Variants in CASK observed in about 807,000 individuals in gnomAD.
CASK encodes peripheral plasma membrane protein CASK.
In CASK, 4 loss-of-function variants were observed where a neutral mutation model predicts 82.9. The observed-to-expected ratio is 0.05, with a 90% CI of 0.02 to 0.11. The LOEUF (loss-of-function observed/expected upper bound fraction) is 0.11. Among genes scored for constraint, CASK ranks in the 10% least tolerant of loss-of-function variants. CASK has a pLI of 1.00. For missense variants in CASK, 358 were observed against 720.9 expected (o/e 0.50, Z 5.76); for synonymous variants, 259 against 253.5 (o/e 1.02, Z -0.20).
chrX:41,559,986 A>G, intron 17 of CASK, 139 bp from the exon 18 acceptor site: 1 of 523,600 alleles, frequency 1.9e-6, no homozygotes, highest in Non-Finnish European at 3.3e-6. Context: ...AATGAAATGT[A>G]GTCATGAAGC....
At chrX:41,671,992 T>C (rs1047226114) in intron 5 of CASK, among the ~76,000 whole-genome samples, 5 of 111,791 alleles carry the variant, frequency 4.5e-5, no homozygotes, top group African/African-American at 1.6e-4. Flanking sequence ...CCTTTCTTTC[T>C]CCACCCTGCC....
At chrX:41,578,833 G>T (rs1053393335) in intron 14 of CASK, among the ~76,000 whole-genome samples, 1 of 111,729 alleles carries the variant, frequency 9.0e-6, no homozygotes, top group African/African-American at 3.3e-5. Flanking sequence ...CCTCTCAAAG[G>T]TATCATTCAT....
chrX:41,858,302 T>C (rs2071410487), intron 1 of CASK, among the ~76,000 whole-genome samples: 2 of 112,181 alleles, frequency 1.8e-5, no homozygotes, highest in Non-Finnish European at 3.8e-5. Flanking sequence ...GAAAACAGAA[T>C]AGGTAGGTGA....
intron 3 of CASK, among the ~76,000 whole-genome samples, chrX:41,770,292 CTAT>C (rs760787314): frequency 4.5e-3 from 445 of 98,308 alleles, no homozygotes; most frequent in African/African-American, 0.011. Flanking sequence ...ATCTATCTAT[CTAT>C]CTACCTACCT....
chrX:41,566,269 T>C lies in CASK; in HGVS notation c.1582+3399A>G, dbSNP rs150321277. Among the ~76,000 whole-genome samples, 603 of 111,635 alleles carry C rather than the reference T, an allele frequency of 5.4e-3. 5 individuals carry two copies. Among genetic ancestry groups the C allele is most frequent in the African/African-American group, 0.019 (579 of 30,722 alleles). On this transcript the variant is annotated intron_variant, in intron 16 of 26. Coordinates refer to ENST00000378163, the MANE Select transcript of CASK (RefSeq NM_001367721.1). ...GCAAGAGAAAGAAATAAAAGGTATT[T>C]GATTAGGAAATGAGGAAGTCAAACT...
intron 12 of CASK, among the ~76,000 whole-genome samples, chrX:41,596,204 A>G (rs2065819323): frequency 9.1e-6 from 1 of 109,816 alleles, no homozygotes; most frequent in Non-Finnish European, 1.9e-5. Flanking sequence ...CAAAAAAAAA[A>G]AAAAAAAGAA....
intron 1 of CASK, among the ~76,000 whole-genome samples, chrX:41,854,867 T>A (rs921711138): frequency 3.2e-4 from 36 of 112,448 alleles, no homozygotes; most frequent in African/African-American, 1.2e-3. Context: ...TATTACAAAC[T>A]GAGGGACAAA....
chrX:41,836,548 C>T (rs1295734774), intron 2 of CASK, among the ~76,000 whole-genome samples: 1 of 110,792 alleles, frequency 9.0e-6, no homozygotes, highest in Non-Finnish European at 1.9e-5. Flanking sequence ...TATTATGTGA[C>T]GTATTATGTC....
At chrX:41,733,616 G>A (rs1192900865) in intron 5 of CASK, among the ~76,000 whole-genome samples, 2 of 109,312 alleles carry the variant, frequency 1.8e-5, no homozygotes, top group African/African-American at 6.6e-5. Flanking sequence ...GGGCATGGTG[G>A]CGGGCACCTG....
intron 2 of CASK, among the ~76,000 whole-genome samples, chrX:41,851,486 T>G (rs2071265440): frequency 8.9e-6 from 1 of 111,807 alleles, no homozygotes; most frequent in African/African-American, 3.2e-5. Flanking sequence ...CAGGTTCAGC[T>G]TGGCATTCTG....
At chrX:41,697,935 G>A (rs1428748281) in intron 5 of CASK, 2 of 110,133 alleles carry the variant, frequency 1.8e-5, no homozygotes, top group African/African-American at 6.6e-5. Context: ...CCGAGTAGCT[G>A]GGATTACAGG....
chrX:41,868,391 A>T (rs924342776), intron 1 of CASK, among the ~76,000 whole-genome samples: 9 of 111,813 alleles, frequency 8.0e-5, no homozygotes, highest in African/African-American at 2.9e-4. Context: ...TAAAGAAAAA[A>T]TAATTTATTC....
At chrX:41,727,060 A>G in intron 5 of CASK, 1 of 1,173,616 alleles carries the variant, frequency 8.5e-7, no homozygotes, top group East Asian at 3.0e-5. Context: ...TCAACCATCT[A>G]TGATCTCTTC....
intron 2 of CASK, among the ~76,000 whole-genome samples, chrX:41,803,849 T>C (rs1287741721): frequency 1.9e-5 from 2 of 106,241 alleles, no homozygotes; most frequent in Admixed American, 1.0e-4. Flanking sequence ...AATAGTAATA[T>C]ATGTTGCTGG....
In CASK at chrX:41,728,118, G is replaced by T. The variant is rs753250548; in HGVS notation, c.429+11266C>A. The T allele has an allele frequency of 1.6e-4, 71 of 436,398 alleles. No individual in the cohort carries two copies. In the African/African-American group the frequency reaches 1.7e-3, roughly 10 times the overall value. 36.0% of individuals were successfully genotyped at this position (436,398 alleles called of 1,213,427 possible). On this transcript the variant is annotated intron_variant, in intron 5 of 26. Coordinates refer to ENST00000378163, the MANE Select transcript of CASK (RefSeq NM_001367721.1). ...GGACACTAAACTACATCATTAACAT[G>T]TCACAGCTTGGTTGACAATAATCAC...
At chrX:41,589,483 T>C in intron 13 of CASK, 32 bp downstream of exon 13, 1 of 1,040,077 alleles carries the variant, frequency 9.6e-7, no homozygotes, top group South Asian at 1.9e-5. Flanking sequence ...AATATGATGA[T>C]GCCAAATACT....
chrX:41,542,390 C>G (rs767718721), intron 22 of CASK, among the ~76,000 whole-genome samples: 1 of 113,158 alleles, frequency 8.8e-6, no homozygotes, highest in South Asian at 3.6e-4. Flanking sequence ...GGCTACTCAG[C>G]AAACTCTCAA....
At chrX:41,554,858 T>TA (rs1283725643) in intron 20 of CASK, among the ~76,000 whole-genome samples, 1 of 112,230 alleles carries the variant, frequency 8.9e-6, no homozygotes, top group Admixed American at 9.5e-5. Context: ...TATTTCAAGA[T>TA]AAAAATCCCA....
intron 1 of CASK, among the ~76,000 whole-genome samples, chrX:41,904,493 C>T (rs1188636766): frequency 8.9e-6 from 1 of 112,196 alleles, no homozygotes; most frequent in African/African-American, 3.2e-5. Context: ...TTTAAAACTA[C>T]AAAACACTGC....
Sources: gnomAD v4.1 joint callset for allele counts (sites outside exome capture counted in the v4.1 genomes callset) on GRCh38, gnomAD v4.1.1 for gene constraint, MANE v1.5 for transcripts, NCBI Gene and HGNC (gene_info 2026-07-23, HGNC 2026-07-21) for gene names.